The following AGO3 variants were observed in gnomAD, a reference collection of about 807,000 sequenced individuals.
AGO3 encodes the protein protein argonaute-3.
Under a neutral mutation model 105.5 loss-of-function variants are expected in AGO3, and 16 were observed. The ratio of observed to expected loss-of-function variants is 0.15; its 90% CI spans 0.10 to 0.23. The LOEUF is 0.23. AGO3 is among the 10% of genes least tolerant of loss of function. AGO3 has a pLI of 1.00. For missense variants in AGO3, 534 were observed against 1,088.0 expected (o/e 0.49, Z 7.16); for synonymous variants, 340 against 367.3 (o/e 0.93, Z 0.85).
chr1:36,047,586 A>T (rs970669773), intron 17 of AGO3, among the ~76,000 whole-genome samples: 2 of 152,180 alleles, frequency 1.3e-5, no homozygotes, highest in Non-Finnish European at 2.9e-5. Flanking sequence ...AAATCTGCTT[A>T]ATGAAATATT....
At chr1:35,997,781 C>T (rs1639904008) in intron 5 of AGO3, among the ~76,000 whole-genome samples, 2 of 152,118 alleles carry the variant, frequency 1.3e-5, no homozygotes, top group African/African-American at 2.4e-5. Flanking sequence ...AATGCAACCT[C>T]CTCCTCCTGT....
At chr1:36,042,012 A>G (rs889063765) in intron 16 of AGO3, among the ~76,000 whole-genome samples, 1 of 152,194 alleles carries the variant, frequency 6.6e-6, no homozygotes, top group Admixed American at 6.6e-5. Context: ...AAATAATAAT[A>G]GATATTGTTC....
At chr1:35,932,769 T>C (rs1342586436) in intron 1 of AGO3, among the ~76,000 whole-genome samples, 1 of 152,150 alleles carries the variant, frequency 6.6e-6, no homozygotes, top group Non-Finnish European at 1.5e-5. Flanking sequence ...ATACTACTGT[T>C]TTACTGTACA....
intron 1 of AGO3, among the ~76,000 whole-genome samples, chr1:35,940,745 C>G (rs542739578): frequency 5.2e-4 from 79 of 152,294 alleles, no homozygotes; most frequent in African/African-American, 1.9e-3. Flanking sequence ...TCATCCACAT[C>G]TAATGACATT....
At chr1:35,980,408 A>G (rs1434170862) in intron 5 of AGO3, among the ~76,000 whole-genome samples, 1 of 152,198 alleles carries the variant, frequency 6.6e-6, no homozygotes, top group Non-Finnish European at 1.5e-5. Flanking sequence ...ACATTCTTAG[A>G]CCATGTAACA....
intron 2 of AGO3, among the ~76,000 whole-genome samples, chr1:35,955,676 C>T (rs1288732172): frequency 1.3e-5 from 2 of 151,672 alleles, no homozygotes; most frequent in African/African-American, 4.9e-5. Flanking sequence ...CTCACTGCAG[C>T]CTCACCCTCC....
intron 6 of AGO3, chr1:36,005,585 C>T (rs566122070): frequency 3.2e-6 from 1 of 314,834 alleles, no homozygotes; most frequent in South Asian, 1.3e-4. Context: ...CATTACCTAC[C>T]ATTAATATGT....
In AGO3 at chr1:36,070,645, G is replaced by A. The variant is rs1392452442; in HGVS notation, c.*14900G>A. On this transcript the variant is annotated 3_prime_UTR_variant, in exon 19 of 19. Transcript: ENST00000373191. Reference sequence around the variant, plus strand: ...CAGATGCCAACCTCCCCTTGTTGCAGGCAGTTGGGCTTTTCCAACTCATTG... The same window carrying A: ...CAGATGCCAACCTCCCCTTGTTGCAAGCAGTTGGGCTTTTCCAACTCATTG... 1.3e-5 allele frequency: 2 copies of A among 152,186 alleles called. No individual in the cohort carries two copies. The highest frequency in any genetic ancestry group is 2.9e-5 in the Non-Finnish European group (2 of 68,046). 9.4% of individuals were successfully genotyped at this position (152,186 alleles called of 1,614,324 possible). A position where few individuals can be genotyped will look rare whatever the true frequency, so the allele number is the denominator to read the frequency against.
chr1:35,978,467 C>T (rs556626750), intron 5 of AGO3, among the ~76,000 whole-genome samples: 1 of 152,342 alleles, frequency 6.6e-6, no homozygotes, highest in African/African-American at 2.4e-5. Context: ...GCTGGGATTA[C>T]AGGCGTGAGC....
chr1:35,945,887 A>C (rs746930765), intron 2 of AGO3, 24 bp downstream of exon 2: 1 of 1,588,612 alleles, frequency 6.3e-7, no homozygotes, highest in African/African-American at 1.4e-5. Context: ...AACTGCAAAG[A>C]TCTTTTGCTA....
At chr1:35,956,812 A>AT (rs1178028189) in intron 2 of AGO3, among the ~76,000 whole-genome samples, 1 of 151,184 alleles carries the variant, frequency 6.6e-6, no homozygotes, top group Non-Finnish European at 1.5e-5. Flanking sequence ...TGCCTGGCTA[A>AT]TTTTTTTGTA....
At position 36,008,315 on chromosome 1, in the gene AGO3, C is replaced by A. The variant is rs746137683; in HGVS notation, c.794-375C>A. ...CACATAATTTGAAATTATGGAATACCTTGAGAATTATTGGATCTCCTCTTT... is the reference window on the plus strand; with the variant it reads ...CACATAATTTGAAATTATGGAATACATTGAGAATTATTGGATCTCCTCTTT... On this transcript the variant is annotated intron_variant, in intron 6 of 18. Coordinates refer to ENST00000373191, the MANE Select transcript of AGO3 (RefSeq NM_024852.4). The surrounding 1 kb of genome is among the most constrained non-coding windows in gnomAD (Gnocchi z 5.1). Among the ~76,000 whole-genome samples, 17 of 152,104 alleles carry A rather than the reference C, an allele frequency of 1.1e-4. No homozygotes were observed. Among genetic ancestry groups the A allele is most frequent in the Admixed American group, 3.9e-4 (6 of 15,278 alleles).
rs1484988856 is a variant in AGO3, at chr1:36,060,563, A to G, written c.*4818A>G. ...CTTCGATACAGCTAGAATATGTTGCAGTCTTCCTATTTCAAACTTGATTTT... is the reference window on the plus strand; with the variant it reads ...CTTCGATACAGCTAGAATATGTTGCGGTCTTCCTATTTCAAACTTGATTTT... On this transcript the variant is annotated 3_prime_UTR_variant, in exon 19 of 19. Transcript: ENST00000373191. 6.6e-6 allele frequency: 1 copy of G among 152,244 alleles called. No individual in the cohort carries two copies. The highest frequency in any genetic ancestry group is 1.5e-5 in the Non-Finnish European group (1 of 68,042). 9.4% of individuals were successfully genotyped at this position (152,244 alleles called of 1,614,324 possible).
rs1462072134 is a variant in AGO3 at position 36,027,224 on chromosome 1, T to G, written c.1517T>G (p.Phe506Cys). ...GGGGCAGACAGCGTAGAGCCCATGT[T>G]CCGGCATCTCAAGAACACATATTCT... ...AQGADSVEPM[F>C]RHLKNTYSGL... is the part of the protein sequence containing the mutation. Residue 506 changes from phenylalanine to cysteine, a missense_variant, in exon 12 of 19, where the codon TTC (phenylalanine) becomes TGC (cysteine). Phe to Cys is a radical substitution (Grantham distance 205). Transcript: ENST00000373191. This position sits in a 1 kb window ranked among gnomAD's most constrained non-coding sequence, Gnocchi z 4.0. The G allele has an allele frequency of 6.2e-7, 1 of 1,614,098 alleles. No homozygotes were observed. Among genetic ancestry groups the G allele is most frequent in the Non-Finnish European group, 8.5e-7 (1 of 1,180,042 alleles).
In AGO3 at chr1:36,068,923, G is replaced by T. The variant is rs1338821152; in HGVS notation, c.*13178G>T. The T allele has an allele frequency of 6.6e-6, 1 of 152,200 alleles. No individual in the cohort carries two copies. Among genetic ancestry groups the T allele is most frequent in the African/African-American group, 2.4e-5 (1 of 41,448 alleles). 9.4% of individuals were successfully genotyped at this position (152,200 alleles called of 1,614,324 possible). ...ATCACAAATGGAAAAAGCCTATTGAGAATTTATTGCCTTTGAGAGTAGAAA... is the reference window on the plus strand; with the variant it reads ...ATCACAAATGGAAAAAGCCTATTGATAATTTATTGCCTTTGAGAGTAGAAA... On this transcript the variant is annotated 3_prime_UTR_variant, in exon 19 of 19. Transcript: ENST00000373191.
intron 14 of AGO3, among the ~76,000 whole-genome samples, chr1:36,037,621 G>T (rs988349445): frequency 2.0e-5 from 3 of 152,108 alleles, no homozygotes; most frequent in Admixed American, 6.5e-5. Context: ...CCCTGAAAAT[G>T]ATAGTAATAT....
At chr1:35,995,375 A>G (rs979983697) in intron 5 of AGO3, among the ~76,000 whole-genome samples, 7 of 152,022 alleles carry the variant, frequency 4.6e-5, no homozygotes, top group Admixed American at 6.6e-5. Context: ...AAGACGTGCT[A>G]TAAAACTACT....
intron 5 of AGO3, among the ~76,000 whole-genome samples, chr1:36,003,710 ATATAT>A (rs1262418529): frequency 5.8e-4 from 46 of 79,288 alleles, no homozygotes; most frequent in African/African-American, 1.3e-3. Flanking sequence ...AAAAAAAAAA[ATATAT>A]ATATATATAT....
intron 5 of AGO3, among the ~76,000 whole-genome samples, chr1:36,003,162 A>G (rs1259686769): frequency 2.0e-5 from 3 of 151,428 alleles, no homozygotes; most frequent in African/African-American, 7.3e-5. Context: ...TTTGGAGTAG[A>G]AAAATGACAT....
Sources: gnomAD v4.1 joint callset for allele counts (sites outside exome capture counted in the v4.1 genomes callset) on GRCh38, gnomAD v4.1.1 for gene constraint, Gnocchi (gnomAD v3.1) non-coding constraint, MANE v1.5 for transcripts, NCBI Gene and HGNC (gene_info 2026-07-23, HGNC 2026-07-21) for gene names.